The following NEK7 variants were observed in gnomAD, a reference collection of about 807,000 sequenced individuals.
NEK7 encodes serine/threonine-protein kinase Nek7.
In NEK7, 18 loss-of-function variants were observed where a neutral mutation model predicts 44.6. The observed-to-expected ratio is 0.40, with a 90% CI of 0.28 to 0.60. NEK7 has a LOEUF of 0.60. Among genes scored for constraint, NEK7 ranks in the 20% least tolerant of loss-of-function variants. NEK7 has a pLI of 0.38. For synonymous variants in NEK7, 130 were observed against 121.1 expected, an observed-to-expected ratio of 1.07 and a Z score of -0.48; for missense variants, 256 against 366.5, an observed-to-expected ratio of 0.70 and a Z score of 2.46.
chr1:198,279,765 A>C (rs1205660017), intron 7 of NEK7, among the ~76,000 whole-genome samples: 2 of 151,990 alleles, frequency 1.3e-5, no homozygotes, highest in Non-Finnish European at 2.9e-5. Flanking sequence ...GGAACAAATG[A>C]GTTATACTAA....
intron 1 of NEK7, among the ~76,000 whole-genome samples, chr1:198,186,064 A>G (rs1444569633): frequency 1.3e-5 from 2 of 152,214 alleles, no homozygotes; most frequent in Non-Finnish European, 2.9e-5. Context: ...TAGCTGGAAG[A>G]TTTATGTTAG....
intron 1 of NEK7, among the ~76,000 whole-genome samples, chr1:198,208,951 C>T: frequency 6.6e-6 from 1 of 151,772 alleles, no homozygotes. Context: ...CTTTTCTTGG[C>T]TTCCTTCAGC....
intron 1 of NEK7, among the ~76,000 whole-genome samples, chr1:198,207,707 G>T (rs1038033151): frequency 6.6e-6 from 1 of 152,064 alleles, no homozygotes; most frequent in East Asian, 1.9e-4. Flanking sequence ...AGGACACAGG[G>T]GACTTGTATG....
intron 1 of NEK7, among the ~76,000 whole-genome samples, chr1:198,169,957 T>G (rs980046230): frequency 1.3e-5 from 2 of 152,174 alleles, no homozygotes; most frequent in Non-Finnish European, 2.9e-5. Flanking sequence ...TCCCAGAGAC[T>G]ACACTTGACA....
At chr1:198,174,003 T>C (rs970776965) in intron 1 of NEK7, among the ~76,000 whole-genome samples, 1 of 152,240 alleles carries the variant, frequency 6.6e-6, no homozygotes, top group Non-Finnish European at 1.5e-5. Context: ...GATTTTATAG[T>C]CTGTGCTCAA....
chr1:198,240,209 A>T (rs1666644139), intron 2 of NEK7, among the ~76,000 whole-genome samples: 1 of 152,226 alleles, frequency 6.6e-6, no homozygotes, highest in Admixed American at 6.5e-5. Context: ...ATGACTTCAA[A>T]ATATTTAAAG....
chr1:198,210,969 G>A (rs1447949404), intron 1 of NEK7, among the ~76,000 whole-genome samples: 1 of 151,414 alleles, frequency 6.6e-6, no homozygotes, highest in African/African-American at 2.4e-5. Flanking sequence ...AGCCGGGATG[G>A]TCTCGATCTC....
At chr1:198,266,682 T>G (rs548394865) in intron 5 of NEK7, among the ~76,000 whole-genome samples, 1 of 152,098 alleles carries the variant, frequency 6.6e-6, no homozygotes, top group Non-Finnish European at 1.5e-5. Flanking sequence ...CAGTAATACC[T>G]GTCTTACAGT....
chr1:198,187,626 T>C (rs1664959932), intron 1 of NEK7, among the ~76,000 whole-genome samples: 1 of 152,178 alleles, frequency 6.6e-6, no homozygotes, highest in Non-Finnish European at 1.5e-5. Context: ...GATTCAGTCA[T>C]GGTCACAATG....
At chr1:198,168,128 T>C (rs1664324457) in intron 1 of NEK7, among the ~76,000 whole-genome samples, 1 of 152,216 alleles carries the variant, frequency 6.6e-6, no homozygotes. Flanking sequence ...TAGAAAGTTT[T>C]CAAATCGTGG....
At chr1:198,158,542 T>C (rs565621791) in intron 1 of NEK7, among the ~76,000 whole-genome samples, 33 of 152,216 alleles carry the variant, frequency 2.2e-4, no homozygotes, top group Middle Eastern at 3.2e-3. Flanking sequence ...CTTGAGCTGC[T>C]GGTGGTGTGG....
chr1:198,252,240 C>G (rs988046713), intron 2 of NEK7, among the ~76,000 whole-genome samples: 2 of 151,808 alleles, frequency 1.3e-5, no homozygotes, highest in Non-Finnish European at 2.9e-5. Flanking sequence ...GTCTGAGAGA[C>G]AGTTTGTTAT....
chr1:198,232,666 A>T (rs749505296), intron 2 of NEK7, 29 bp downstream of exon 2: 2 of 1,328,938 alleles, frequency 1.5e-6, no homozygotes, highest in Non-Finnish European at 2.2e-6. Flanking sequence ...GATGGGCAGA[A>T]CTATATATAA....
intron 1 of NEK7, among the ~76,000 whole-genome samples, chr1:198,213,900 C>T (rs1407909123): frequency 6.6e-6 from 1 of 152,116 alleles, no homozygotes; most frequent in Non-Finnish European, 1.5e-5. Flanking sequence ...CTGTTCAACC[C>T]AGTGTATAAA....
chr1:198,192,095 A>T (rs981534526), intron 1 of NEK7, among the ~76,000 whole-genome samples: 4 of 151,866 alleles, frequency 2.6e-5, no homozygotes, highest in African/African-American at 7.2e-5. Flanking sequence ...TTTAGAATTA[A>T]TTTTTTATAT....
chr1:198,225,449 TGGTGCA>T (rs1251800336), intron 1 of NEK7, among the ~76,000 whole-genome samples: 3 of 152,132 alleles, frequency 2.0e-5, no homozygotes, highest in Admixed American at 6.5e-5. Flanking sequence ...TTGTCTGTAT[TGGTGCA>T]GTAGCCTGTT....
intron 1 of NEK7, among the ~76,000 whole-genome samples, chr1:198,205,448 T>C (rs1489649558): frequency 6.6e-6 from 1 of 152,152 alleles, no homozygotes; most frequent in Admixed American, 6.6e-5. Flanking sequence ...GGTGGAGGTG[T>C]TGAGTGGCCC....
intron 1 of NEK7, among the ~76,000 whole-genome samples, chr1:198,186,901 C>T (rs1664941767): frequency 6.6e-6 from 1 of 152,174 alleles, no homozygotes; most frequent in Non-Finnish European, 1.5e-5. Flanking sequence ...TAGCTCCCTT[C>T]CTTATGGGAA....
intron 5 of NEK7, among the ~76,000 whole-genome samples, chr1:198,272,572 T>G (rs190371092): frequency 6.6e-6 from 1 of 151,962 alleles, no homozygotes; most frequent in Non-Finnish European, 1.5e-5. Context: ...ATATTTCTGT[T>G]TATCTTTGTG....
Sources: allele counts gnomAD v4.1 joint callset (sites outside exome capture counted in the v4.1 genomes callset), GRCh38; gene constraint gnomAD v4.1.1; transcripts MANE v1.5; gene names NCBI Gene and HGNC (gene_info 2026-07-23, HGNC 2026-07-21).